The following AHCYL2 variants were observed in gnomAD, a reference collection of about 807,000 sequenced individuals.
AHCYL2 encodes adenosylhomocysteinase like 2.
AHCYL2 carries 28 observed loss-of-function variants against 81.4 expected under a neutral mutation model. The ratio of observed to expected loss-of-function variants is 0.34; its 90% CI spans 0.25 to 0.47. The LOEUF (loss-of-function observed/expected upper bound fraction) is 0.47, where lower values mean the gene tolerates loss of function less well. Among genes scored for constraint, AHCYL2 ranks in the 20% least tolerant of loss-of-function variants. The pLI is 1.00. For synonymous variants in AHCYL2, 272 were observed against 290.2 expected, an observed-to-expected ratio of 0.94 and a Z score of 0.64; for missense variants, 551 against 785.1, an observed-to-expected ratio of 0.70 and a Z score of 3.56.
intron 1 of AHCYL2, among the ~76,000 whole-genome samples, chr7:129,303,192 T>C (rs1344147741): frequency 2.0e-5 from 3 of 152,142 alleles, no homozygotes; most frequent in Non-Finnish European, 2.9e-5. Context: ...TAGAGACTGG[T>C]TTCTCCATGT....
At chr7:129,399,843 C>T (rs1236035514) in intron 5 of AHCYL2, among the ~76,000 whole-genome samples, 1 of 151,444 alleles carries the variant, frequency 6.6e-6, no homozygotes, top group African/African-American at 2.4e-5. Flanking sequence ...TCTCCTGCCT[C>T]AGGCTCCCAA....
rs1185207956 is a variant in AHCYL2 at position 129,271,109 on chromosome 7, TC to T, written c.363+45673del. On this transcript the variant is annotated intron_variant, in intron 1 of 16. Transcript: ENST00000325006. The stretch of plus-strand genomic sequence containing the variant: ...CGGGCGTGGTGGCTCATGCCTGTAA[TC>T]CCAGCACTTTGGGAGGCCGAGGCGG... Among the ~76,000 whole-genome samples, 23 of 151,902 alleles carry T rather than the reference TC, an allele frequency of 1.5e-4. No homozygotes were observed. The East Asian group carries it at 3.7e-3, about 24-fold the overall frequency.
intron 1 of AHCYL2, among the ~76,000 whole-genome samples, chr7:129,362,601 T>G (rs976267429): frequency 3.2e-5 from 4 of 126,146 alleles, no homozygotes; most frequent in African/African-American, 1.3e-4. Context: ...TTTCTTGTTT[T>G]TTTTTTTTTT....
intron 6 of AHCYL2, among the ~76,000 whole-genome samples, chr7:129,400,885 A>G (rs1392117451): frequency 6.6e-6 from 1 of 152,202 alleles, no homozygotes; most frequent in Non-Finnish European, 1.5e-5. Context: ...TACAAGTTCA[A>G]ATTTCTTCTC....
chr7:129,422,496 C>T (rs1222392122), intron 12 of AHCYL2, among the ~76,000 whole-genome samples: 4 of 151,994 alleles, frequency 2.6e-5, no homozygotes, highest in Admixed American at 6.6e-5. Context: ...CATTTTTTTC[C>T]TCTCACATAT....
intron 1 of AHCYL2, among the ~76,000 whole-genome samples, chr7:129,298,080 G>A (rs1216382690): frequency 6.6e-6 from 1 of 152,166 alleles, no homozygotes; most frequent in South Asian, 2.1e-4. Flanking sequence ...TATATAATCA[G>A]ATAGCTAGAG....
intron 2 of AHCYL2, among the ~76,000 whole-genome samples, chr7:129,382,429 G>A (rs1373254653): frequency 2.6e-5 from 4 of 152,042 alleles, no homozygotes; most frequent in East Asian, 3.9e-4. Flanking sequence ...GTGAAACCCC[G>A]TCTCCACAAA....
In AHCYL2 at chr7:129,405,982, T is replaced by C. The variant is rs575294288; in HGVS notation, c.1206+83T>C. On this transcript the variant is annotated intron_variant, in intron 9 of 16. Coordinates refer to ENST00000325006, the MANE Select transcript of AHCYL2 (RefSeq NM_015328.4). ...GGAATTTTTTATTTGTATGGACATA[T>C]GAGTACACCCTTTACCACTTTAGAT... 39 of 1,297,986 alleles carry C rather than the reference T, an allele frequency of 3.0e-5. No individual in the cohort carries two copies. In the African/African-American group the frequency reaches 3.4e-4, roughly 11 times the overall value. The allele number at this position is 1,297,986 out of a possible 1,614,324, so 80.4% of individuals were successfully genotyped here. A position where few individuals can be genotyped will look rare whatever the true frequency, so the allele number is the denominator to read the frequency against.
intron 1 of AHCYL2, among the ~76,000 whole-genome samples, chr7:129,325,464 A>G (rs1394210520): frequency 6.6e-6 from 1 of 151,758 alleles, no homozygotes; most frequent in Non-Finnish European, 1.5e-5. Context: ...TTTCTTTATC[A>G]CTAGATTTGA....
intron 1 of AHCYL2, among the ~76,000 whole-genome samples, chr7:129,299,371 T>G (rs1797173883): frequency 2.6e-4 from 2 of 7,554 alleles, no homozygotes; most frequent in Non-Finnish European, 6.3e-4. Context: ...TCCAACTTGT[T>G]TTTTTTTTTT....
chr7:129,275,325 C>T (rs1373410498), intron 1 of AHCYL2, among the ~76,000 whole-genome samples: 1 of 152,082 alleles, frequency 6.6e-6, no homozygotes, highest in Non-Finnish European at 1.5e-5. Flanking sequence ...TCTCATGAAC[C>T]CGGGAGGCAG....
chr7:129,407,803 A>C (rs1796376035), intron 10 of AHCYL2, among the ~76,000 whole-genome samples: 1 of 152,258 alleles, frequency 6.6e-6, no homozygotes, highest in Admixed American at 6.5e-5. Flanking sequence ...GCTGTCATGG[A>C]GTTAAACGGC....
intron 1 of AHCYL2, among the ~76,000 whole-genome samples, chr7:129,304,028 A>G (rs1361707499): frequency 6.6e-6 from 1 of 152,210 alleles, no homozygotes; most frequent in Non-Finnish European, 1.5e-5. Context: ...TGGAGGTTGC[A>G]TTGAGCTGAC....
At chr7:129,355,680 A>G (rs555082489) in intron 1 of AHCYL2, among the ~76,000 whole-genome samples, 10 of 152,174 alleles carry the variant, frequency 6.6e-5, no homozygotes, top group Non-Finnish European at 1.2e-4. Context: ...CTGCTAGAGA[A>G]TGAGTTGTTA....
At chr7:129,318,002 C>T (rs1180613424) in intron 1 of AHCYL2, among the ~76,000 whole-genome samples, 4 of 152,260 alleles carry the variant, frequency 2.6e-5, no homozygotes, top group Admixed American at 6.5e-5. Context: ...CTATAATACT[C>T]GTGCAATAAA....
At chr7:129,376,735 T>G (rs1326231873) in intron 1 of AHCYL2, among the ~76,000 whole-genome samples, 1 of 152,236 alleles carries the variant, frequency 6.6e-6, no homozygotes, top group African/African-American at 2.4e-5. Context: ...GGTGTGTGGT[T>G]GTGTTGGGGT....
chr7:129,269,388 T>TAA (rs1795925295), intron 1 of AHCYL2, among the ~76,000 whole-genome samples: 1 of 151,696 alleles, frequency 6.6e-6, no homozygotes, highest in African/African-American at 2.4e-5. Context: ...TGGGTTCAGG[T>TAA]GATTCTCCTG....
At chr7:129,362,591 TTTC>T (rs1793966669) in intron 1 of AHCYL2, among the ~76,000 whole-genome samples, 1 of 146,172 alleles carries the variant, frequency 6.8e-6, no homozygotes. Context: ...AGTTATTGGT[TTTC>T]TTGTTTTTTT....
chr7:129,308,173 T>C (rs1797512155), intron 1 of AHCYL2, among the ~76,000 whole-genome samples: 1 of 151,850 alleles, frequency 6.6e-6, no homozygotes, highest in Non-Finnish European at 1.5e-5. Flanking sequence ...TGCCCAGGAG[T>C]TGTAGTCCTA....
Sources: gnomAD v4.1 joint callset for allele counts (sites outside exome capture counted in the v4.1 genomes callset) on GRCh38, gnomAD v4.1.1 for gene constraint, MANE v1.5 for transcripts, NCBI Gene and HGNC (gene_info 2026-07-23, HGNC 2026-07-21) for gene names.